LLGL2: variants seen among roughly 807,000 people sequenced by gnomAD.
The protein encoded by LLGL2 is LLGL2, scribble cell polarity complex component.
LLGL2 carries 81 observed loss-of-function variants against 123.2 expected under a neutral mutation model. The observed-to-expected ratio is 0.66, with a 90% confidence interval of 0.55 to 0.79. The LOEUF is 0.79. Ranked by LOEUF, LLGL2 falls within the 30% of genes least tolerant of loss-of-function variation. The pLI is 0.00. For synonymous variants in LLGL2, 577 were observed against 594.1 expected (o/e 0.97, Z 0.42); for missense variants, 1,273 against 1,414.6 (o/e 0.90, Z 1.61).
intron 1 of LLGL2, among the ~76,000 whole-genome samples, chr17:75,541,965 A>T (rs1302139745): frequency 6.6e-6 from 1 of 151,478 alleles, no homozygotes; most frequent in African/African-American, 2.4e-5. Context: ...TCTTGACCTG[A>T]GGTGATCCAC....
chr17:75,569,022 G>C lies in LLGL2; in HGVS notation c.1367G>C (p.Cys456Ser). The C allele has an allele frequency of 6.2e-7, 1 of 1,612,952 alleles. No homozygotes were observed. The highest frequency in any genetic ancestry group is 8.5e-7 in the Non-Finnish European group (1 of 1,179,692). Residue 456 changes from cysteine to serine, a missense_variant, in exon 13 of 26, where the codon TGC becomes TCC. Physicochemically the swap from Cys to Ser is moderately radical, Grantham distance 112. Transcript: ENST00000392550. The stretch of plus-strand genomic sequence containing the variant: ...CGGTTCTGGGATGCCTCGGGTGTCT[G>C]CCTGCGGCTGCTCTACAAACTCAGC... ...TVRFWDASGV[C>S]LRLLYKLSTV... is the part of the protein sequence containing the mutation.
At chr17:75,542,645 C>G (rs1184512205) in intron 1 of LLGL2, 5 of 152,282 alleles carry the variant, frequency 3.3e-5, no homozygotes, top group African/African-American at 7.2e-5. Flanking sequence ...CCTGATTATT[C>G]TCCACTAGGG....
At chr17:75,530,045 ACAG>A (rs930425985) in intron 1 of LLGL2, among the ~76,000 whole-genome samples, 1 of 152,208 alleles carries the variant, frequency 6.6e-6, no homozygotes, top group African/African-American at 2.4e-5. Flanking sequence ...GGCCTGCCAC[ACAG>A]CAGGCACCCA....
chr17:75,561,084 G>A (rs926356096), intron 6 of LLGL2, among the ~76,000 whole-genome samples: 1 of 151,790 alleles, frequency 6.6e-6, no homozygotes, highest in Admixed American at 6.6e-5. Context: ...CACCCACCTC[G>A]GTCTCCCAAA....
chr17:75,556,640 G>A (rs2054925927), intron 3 of LLGL2, among the ~76,000 whole-genome samples: 1 of 152,206 alleles, frequency 6.6e-6, no homozygotes, highest in Admixed American at 6.5e-5. Flanking sequence ...TGAGTGGCTG[G>A]CTGGTGCGCC....
In LLGL2 at chr17:75,556,118, G is replaced by C; in HGVS notation, c.148G>C (p.Gly50Arg). 1.2e-6 allele frequency: 2 copies of C among 1,610,116 alleles called. No individual in the cohort carries two copies. Among genetic ancestry groups the C allele is most frequent in the South Asian group, 2.2e-5 (2 of 91,078 alleles). ...CCCGTCCCTGCGCATCCTGGCCATC[G>C]GCACCCGTTCTGGAGCCATCAAGCT... is the stretch of plus-strand genomic sequence containing the variant. ...YSPSLRILAI[G>R]TRSGAIKLYG... Residue 50 changes from glycine (G) to arginine (R), a missense_variant, in exon 3 of 26, where the codon GGC becomes CGC. Gly to Arg is a moderately radical substitution (Grantham distance 125). Transcript: ENST00000392550.
chr17:75,535,127 T>A (rs1290469492), intron 1 of LLGL2, among the ~76,000 whole-genome samples: 2 of 152,120 alleles, frequency 1.3e-5, no homozygotes, highest in Non-Finnish European at 2.9e-5. Flanking sequence ...GGCGTCTGAG[T>A]TGGCACAGAT....
At chr17:75,537,697 CAA>C (rs755617927) in intron 1 of LLGL2, among the ~76,000 whole-genome samples, 1 of 138,572 alleles carries the variant, frequency 7.2e-6, no homozygotes. Flanking sequence ...ACTCCATCTC[CAA>C]AAAAAAAAAA....
At chr17:75,540,964 A>G (rs2054184028) in intron 1 of LLGL2, among the ~76,000 whole-genome samples, 1 of 152,172 alleles carries the variant, frequency 6.6e-6, no homozygotes, top group African/African-American at 2.4e-5. Context: ...GTTTTTCTAC[A>G]ATGGGCACAG....
chr17:75,531,484 C>A (rs751728025), intron 1 of LLGL2, among the ~76,000 whole-genome samples: 6 of 152,224 alleles, frequency 3.9e-5, no homozygotes, highest in Non-Finnish European at 5.9e-5. Context: ...GCAGCACTGG[C>A]AGCCTGGACT....
Position 75,566,121 on chromosome 17 carries a change from A to G in LLGL2, c.1036+1614A>G, listed in dbSNP as rs1191445297. The stretch of plus-strand genomic sequence containing the variant: ...TGCCCTGTAGGGACCTGGGGTGCAG[A>G]CTGAGCTGGGAGGGCTCTTGGCTTG... On this transcript the variant is annotated intron_variant, in intron 10 of 25. Transcript: ENST00000392550. Among the ~76,000 whole-genome samples the G allele has an allele frequency of 5.3e-5, 8 of 152,342 alleles. No homozygotes were observed. In the East Asian group the frequency reaches 1.4e-3, roughly 26 times the overall value.
Position 75,558,630 on chromosome 17 carries a change from A to T in LLGL2, c.371+3A>T. On this transcript the variant is annotated splice_donor_region_variant and intron_variant, in intron 5 of 25. Coordinates refer to ENST00000392550, the MANE Select transcript of LLGL2 (RefSeq NM_001031803.2). This position sits in a 1 kb window ranked among gnomAD's most constrained non-coding sequence, Gnocchi z 4.0. The stretch of plus-strand genomic sequence containing the variant: ...TTCACACTGCGTGGACCCCCAGGGT[A>T]AGGGCTCAATCCCCAGCCCCTTCCA... 1 of 1,592,304 alleles carries T rather than the reference A, an allele frequency of 6.3e-7. No individual in the cohort carries two copies.
chr17:75,558,059 G>T lies in LLGL2; in HGVS notation c.174-96G>T. 8.5e-7 allele frequency: 1 copy of T among 1,182,566 alleles called. No individual in the cohort carries two copies. 73.3% of individuals were successfully genotyped at this position (1,182,566 alleles called of 1,614,324 possible). A position where few individuals can be genotyped will look rare whatever the true frequency, so the allele number is the denominator to read the frequency against. On this transcript the variant is annotated intron_variant, in intron 3 of 25. Coordinates refer to ENST00000392550, the MANE Select transcript of LLGL2 (RefSeq NM_001031803.2). This position sits in a 1 kb window ranked among gnomAD's most constrained non-coding sequence, Gnocchi z 4.0. The stretch of plus-strand genomic sequence containing the variant: ...TCGGGGGAGGGCAGCCCCTCTCTGT[G>T]TTTGCATCATTGCACATGGGCCCCG...
At chr17:75,573,305 C>T (rs75998331) in intron 20 of LLGL2, 27 bp downstream of exon 20, 41,909 of 1,577,792 alleles carry the variant, frequency 0.027, 794 homozygotes, top group African/African-American at 0.088. Context: ...GGGTGGGTGT[C>T]GGGGCCCCGG....
intron 10 of LLGL2, chr17:75,568,234 C>T (rs1046053987): frequency 3.5e-6 from 5 of 1,411,286 alleles, no homozygotes; most frequent in Non-Finnish European, 4.6e-6. Flanking sequence ...ACCCTGCCTT[C>T]CAGCCAGGTG....
In LLGL2 at chr17:75,574,241, C is replaced by A. The variant is rs769169058; in HGVS notation, c.2934C>A (p.Arg978=). 2 of 1,468,664 alleles carry A rather than the reference C, an allele frequency of 1.4e-6. No homozygotes were observed. Among genetic ancestry groups the A allele is most frequent in the African/African-American group, 1.5e-5 (1 of 68,528 alleles). The allele number at this position is 1,468,664 out of a possible 1,614,324, so 91.0% of individuals were successfully genotyped here. Residue 978 remains arginine, a synonymous_variant, in exon 23 of 26, where the codon CGC becomes CGA. Coordinates refer to ENST00000392550, the MANE Select transcript of LLGL2 (RefSeq NM_001031803.2). ...AGCAGCCCGGCCTGGTGATGGAGCG[C>A]GCTCTGCTCAGTGATGAGAGTGAGT... is the stretch of plus-strand genomic sequence containing the variant. ...EEKQPGLVME[R]ALLSDERVLK...
rs149495504 is a variant in LLGL2, at chr17:75,573,248, G to A, written c.2695G>A (p.Ala899Thr). 24 of 1,606,408 alleles carry A rather than the reference G, an allele frequency of 1.5e-5. No individual in the cohort carries two copies. The highest frequency in any genetic ancestry group is 2.2e-5 in the East Asian group (1 of 44,662). The change falls in exon 20 of 26, where the codon GCC becomes ACC. Residue 899 changes from alanine (A) to threonine (T), a missense_variant. By Grantham distance (58) the Ala-to-Thr change is moderately conservative. Transcript: ENST00000392550. ...CCGCCGGGAGGACGTCAGTGGCATC[G>A]CCTCCTGCGTCTTCACCAAATATGG... ...CIRREDVSGIASCVFTKYGQG... is the reference protein window; with the variant it reads ...CIRREDVSGITSCVFTKYGQG...
chr17:75,558,493 C>T lies in LLGL2; in HGVS notation c.256-19C>T, dbSNP rs747288449. On this transcript the variant is annotated intron_variant, in intron 4 of 25. Coordinates refer to ENST00000392550, the MANE Select transcript of LLGL2 (RefSeq NM_001031803.2). This position sits in a 1 kb window ranked among gnomAD's most constrained non-coding sequence, Gnocchi z 4.0. ...CCTGGGTAGCAAGACCACATGATCC[C>T]GTCGTGTGCCCTCGCCAGTGCCAGC... 1.3e-4 allele frequency: 200 copies of T among 1,557,192 alleles called. No individual in the cohort carries two copies. Among genetic ancestry groups the T allele is most frequent in the East Asian group, 4.6e-4 (19 of 41,664 alleles).
chr17:75,571,877 ACACCCACC>A lies in LLGL2; in HGVS notation c.2294-20_2294-13del. 6.2e-7 allele frequency: 1 copy of A among 1,610,458 alleles called. No individual in the cohort carries two copies. The highest frequency in any genetic ancestry group is 1.3e-5 in the African/African-American group (1 of 74,980). On this transcript the variant is annotated splice_polypyrimidine_tract_variant and intron_variant, in intron 18 of 25. Transcript: ENST00000392550. ...CCCTGCCACCCCCTCACCAGCCCCAACACCCACCTCCTCCCCCTAGCCAAGGAGATCCA... is the reference window on the plus strand; with the variant it reads ...CCCTGCCACCCCCTCACCAGCCCCAATCCTCCCCCTAGCCAAGGAGATCCA...
Sources: allele counts gnomAD v4.1 joint callset (sites outside exome capture counted in the v4.1 genomes callset), GRCh38; gene constraint gnomAD v4.1.1; non-coding constraint Gnocchi (gnomAD v3.1); transcripts MANE v1.5; gene names NCBI Gene and HGNC (gene_info 2026-07-23, HGNC 2026-07-21).